The following STIM2 variants were observed in gnomAD, a reference collection of about 807,000 sequenced individuals.
STIM2 encodes stromal interaction molecule 2.
Under a neutral mutation model 85.8 loss-of-function variants are expected in STIM2, and 31 were observed. That is an observed-to-expected ratio of 0.36 (90% CI 0.27 to 0.49). The LOEUF (loss-of-function observed/expected upper bound fraction) is 0.49, where lower values mean the gene tolerates loss of function less well. STIM2 is among the 20% of genes least tolerant of loss of function. STIM2 has a pLI of 0.98. For synonymous variants in STIM2, 356 were observed against 331.1 expected (o/e 1.08, Z -0.82); for missense variants, 841 against 927.6 (o/e 0.91, Z 1.21).
chr4:27,021,811 G>C (rs959755239), intron 11 of STIM2, among the ~76,000 whole-genome samples: 1 of 152,144 alleles, frequency 6.6e-6, no homozygotes, highest in African/African-American at 2.4e-5. Flanking sequence ...ATTTGAGAGA[G>C]ATTTGAAGGA....
intron 1 of STIM2, among the ~76,000 whole-genome samples, chr4:26,892,817 C>G (rs774857182): frequency 2.6e-5 from 4 of 152,074 alleles, no homozygotes; most frequent in Non-Finnish European, 5.9e-5. Context: ...TAGCTAAAAA[C>G]AAACTACTTC....
At chr4:26,939,059 T>C (rs1207546207) in intron 2 of STIM2, among the ~76,000 whole-genome samples, 1 of 152,204 alleles carries the variant, frequency 6.6e-6, no homozygotes, top group African/African-American at 2.4e-5. Flanking sequence ...TCTGGGTATT[T>C]AGTTCATTTA....
In STIM2 at chr4:26,863,737, G is replaced by A. The variant is rs1002949709; in HGVS notation, c.151+2368G>A. On this transcript the variant is annotated intron_variant, in intron 1 of 11. Coordinates refer to ENST00000467087, the MANE Select transcript of STIM2 (RefSeq NM_020860.4). ...AGCATCAGTAATAAGAGAACTAAAC[G>A]TCACGTGAATTTTGAAAATTGAAAA... Among the ~76,000 whole-genome samples, 5 of 152,178 alleles carry A rather than the reference G, an allele frequency of 3.3e-5. No individual in the cohort carries two copies. The East Asian group carries it at 5.8e-4, about 18-fold the overall frequency.
chr4:26,875,291 C>T (rs1476161709), intron 1 of STIM2, among the ~76,000 whole-genome samples: 2 of 152,148 alleles, frequency 1.3e-5, no homozygotes, highest in Non-Finnish European at 2.9e-5. Flanking sequence ...GAAATATGCA[C>T]ATATGCCGGT....
chr4:26,976,330 T>C (rs1416153597), intron 3 of STIM2, among the ~76,000 whole-genome samples: 1 of 150,954 alleles, frequency 6.6e-6, no homozygotes, highest in East Asian at 2.0e-4. Context: ...TCTGCATGGA[T>C]CACGCTGGGA....
chr4:26,909,049 A>G lies in STIM2; in HGVS notation c.152-10455A>G, dbSNP rs186909698. ...AGCTATGATTGCGCCACTGTGCTTCAGCCTTGGCAACAGAGTGAGACCTTG... is the reference window on the plus strand; with the variant it reads ...AGCTATGATTGCGCCACTGTGCTTCGGCCTTGGCAACAGAGTGAGACCTTG... On this transcript the variant is annotated intron_variant, in intron 1 of 11. Coordinates refer to ENST00000467087, the MANE Select transcript of STIM2 (RefSeq NM_020860.4). Among the ~76,000 whole-genome samples, 736 of 152,312 alleles carry G rather than the reference A, an allele frequency of 4.8e-3. 8 individuals carry two copies. Among genetic ancestry groups the G allele is most frequent in the African/African-American group, 0.017 (714 of 41,560 alleles).
intron 2 of STIM2, among the ~76,000 whole-genome samples, chr4:26,946,626 A>G (rs780349681): frequency 4.6e-5 from 7 of 151,784 alleles, no homozygotes; most frequent in East Asian, 3.9e-4. Context: ...ACTTCTGTGC[A>G]CTCTTTTTTT....
intron 2 of STIM2, among the ~76,000 whole-genome samples, chr4:26,946,783 T>C (rs1725849532): frequency 6.6e-6 from 1 of 152,258 alleles, no homozygotes; most frequent in African/African-American, 2.4e-5. Context: ...TACATCAGTT[T>C]ACCAGTTTGG....
chr4:26,861,279 C>G lies in STIM2; in HGVS notation c.61C>G (p.His21Asp). The change falls in exon 1 of 12, where the codon CAC (histidine) becomes GAC (aspartate). Residue 21 changes from histidine (H) to aspartate (D), a missense_variant. His to Asp is a moderately conservative substitution (Grantham distance 81). Around this residue, in one of 3 missense-constraint regions of STIM2, gnomAD observed 140 missense variants for 117.7 expected, o/e 1.19. Transcript: ENST00000467087. ...GGACGGATGCGAGCTTGTGCCCCGG[C>G]ACCTCCGCGGGCGGCGGGCGACTGG... The G allele has an allele frequency of 3.4e-6, 5 of 1,462,900 alleles. No homozygotes were observed. The highest frequency in any genetic ancestry group is 4.5e-6 in the Non-Finnish European group (5 of 1,112,098). The allele number at this position is 1,462,900 out of a possible 1,614,324, so 90.6% of individuals were successfully genotyped here.
chr4:27,017,514 G>GT (rs761485457), intron 10 of STIM2, among the ~76,000 whole-genome samples, 197 bp from the exon 11 acceptor site: 208 of 147,392 alleles, frequency 1.4e-3, no homozygotes, highest in Middle Eastern at 0.014. Context: ...TTTTAAACCT[G>GT]TTTTTTTTTT....
intron 1 of STIM2, among the ~76,000 whole-genome samples, chr4:26,885,836 T>TATAC (rs1723203956): frequency 7.0e-5 from 2 of 28,572 alleles, no homozygotes; most frequent in African/African-American, 3.7e-4. Context: ...TATATATATA[T>TATAC]ATATATATAT....
intron 3 of STIM2, among the ~76,000 whole-genome samples, chr4:26,987,402 C>T (rs974945462): frequency 1.3e-5 from 2 of 152,148 alleles, no homozygotes; most frequent in African/African-American, 4.8e-5. Flanking sequence ...CTTTTGATAG[C>T]AGCATGGGTG....
At chr4:26,956,378 C>A (rs972987415) in intron 2 of STIM2, among the ~76,000 whole-genome samples, 2 of 150,278 alleles carry the variant, frequency 1.3e-5, no homozygotes, top group Non-Finnish European at 3.0e-5. Flanking sequence ...TATTGTTAGA[C>A]AATGGGAAAT....
rs757966871 is a variant in STIM2 at position 26,861,279 on chromosome 4, C to A, written c.61C>A (p.His21Asn). Residue 21 changes from histidine to asparagine, a missense_variant, in exon 1 of 12, where the codon CAC becomes AAC. By Grantham distance (68) the His-to-Asn change is moderately conservative (BLOSUM62 1). Transcript: ENST00000467087. ...GGACGGATGCGAGCTTGTGCCCCGG[C>A]ACCTCCGCGGGCGGCGGGCGACTGG... The A allele has an allele frequency of 1.2e-5, 18 of 1,462,900 alleles. No homozygotes were observed. The highest frequency in any genetic ancestry group is 1.0e-4 in the African/African-American group (7 of 68,488). The allele number at this position is 1,462,900 out of a possible 1,614,324, so 90.6% of individuals were successfully genotyped here.
At chr4:27,019,334 T>C (rs1728835627) in intron 11 of STIM2, 2 of 845,682 alleles carry the variant, frequency 2.4e-6, no homozygotes, top group African/African-American at 1.7e-5. Context: ...TTCATTGCAG[T>C]TGGAGAATCT....
chr4:26,939,126 A>T (rs1378266494), intron 2 of STIM2, among the ~76,000 whole-genome samples: 2 of 152,084 alleles, frequency 1.3e-5, no homozygotes, highest in African/African-American at 4.8e-5. Context: ...TACCATACTG[A>T]GTAAATTAGC....
intron 5 of STIM2, among the ~76,000 whole-genome samples, chr4:26,999,956 G>A (rs995286392): frequency 6.6e-6 from 1 of 151,874 alleles, no homozygotes; most frequent in African/African-American, 2.4e-5. Context: ...TTTTTCCCCA[G>A]AAGAGAAATT....
intron 1 of STIM2, among the ~76,000 whole-genome samples, chr4:26,880,648 T>TATATATATAAATATATATGTAA (rs1722974269): frequency 5.5e-5 from 8 of 145,616 alleles, no homozygotes; most frequent in Admixed American, 2.8e-4. Flanking sequence ...TATATGTAAA[T>TATATATATAAATATATATGTAA]ATATATATAA....
chr4:26,861,571 A>G, intron 1 of STIM2: 1 of 773,026 alleles, frequency 1.3e-6, no homozygotes, highest in Non-Finnish European at 1.7e-6. Flanking sequence ...GCCCTCGCCG[A>G]GCCTCTCGAC....
Sources: allele counts gnomAD v4.1 joint callset (sites outside exome capture counted in the v4.1 genomes callset), GRCh38; gene constraint gnomAD v4.1.1; regional missense constraint gnomAD v4.1.1; transcripts MANE v1.5; gene names NCBI Gene and HGNC (gene_info 2026-07-23, HGNC 2026-07-21).